DUOX1: variants seen among roughly 807,000 people sequenced by gnomAD.
DUOX1 encodes the protein NADPH thyroid oxidase 1.
Under a neutral mutation model 181.8 loss-of-function variants are expected in DUOX1, and 134 were observed. That is an observed-to-expected ratio of 0.74 (90% CI 0.64 to 0.85). The LOEUF is 0.85. Among genes scored for constraint, DUOX1 ranks in the 40% least tolerant of loss-of-function variants. The pLI, the probability that DUOX1 is intolerant of heterozygous loss-of-function variation, is 0.00. For synonymous variants in DUOX1, 798 were observed against 832.5 expected, an observed-to-expected ratio of 0.96 and a Z score of 0.71; for missense variants, 1,814 against 2,064.4, an observed-to-expected ratio of 0.88 and a Z score of 2.35.
At chr15:45,150,756 T>G in intron 22 of DUOX1, 55 bp downstream of exon 22, 1 of 1,553,280 alleles carries the variant, frequency 6.4e-7, no homozygotes. Flanking sequence ...GCCATTTCTC[T>G]CCCCTGAATG....
At chr15:45,150,475 C>G (rs1030496081) in intron 21 of DUOX1, 157 bp from the exon 22 acceptor site, 3 of 664,052 alleles carry the variant, frequency 4.5e-6, no homozygotes, top group African/African-American at 3.6e-5. Flanking sequence ...CCATTGGGGA[C>G]AAGGGCTGAG....
At position 45,155,894 on chromosome 15, in the gene DUOX1, C is replaced by T. The variant is rs1211777099; in HGVS notation, c.3667C>T (p.Leu1223=). The change falls in exon 28 of 34, where the codon CTG becomes TTG. Residue 1223 remains leucine, a synonymous_variant. Coordinates refer to ENST00000389037, the MANE Select transcript of DUOX1 (RefSeq NM_175940.3). ...FRRRSFRGFW[L]THHLYILLYV... ...CCGCCGCAGTTTCCGGGGCTTCTGG[C>T]TGACCCACCACCTCTACATCCTGCT... 1 of 1,614,142 alleles carries T rather than the reference C, an allele frequency of 6.2e-7. No individual in the cohort carries two copies. Among genetic ancestry groups the T allele is most frequent in the Non-Finnish European group, 8.5e-7 (1 of 1,179,992 alleles).
At position 45,143,263 on chromosome 15, in the gene DUOX1, C is replaced by T. The variant is rs1416537771; in HGVS notation, c.1896C>T (p.Arg632=). The change falls in exon 16 of 34, where the codon CGC becomes CGT. Residue 632 remains arginine (R), a synonymous_variant. Transcript: ENST00000389037. ...RNFKRLQGQD[R]QSIVSEKLVG... ...TCAAGAGGCTCCAGGGCCAGGACCG[C>T]CAGAGCATCGTGTCTGAGAAGCTCG... The T allele has an allele frequency of 6.2e-7, 1 of 1,614,102 alleles. No individual in the cohort carries two copies. Among genetic ancestry groups the T allele is most frequent in the Non-Finnish European group, 8.5e-7 (1 of 1,180,016 alleles).
At chr15:45,144,373 G>C (rs1218764420) in intron 17 of DUOX1, 138 bp downstream of exon 17, 1 of 899,288 alleles carries the variant, frequency 1.1e-6, no homozygotes, top group Admixed American at 2.1e-5. Flanking sequence ...TTCCCAGGTG[G>C]AGTACCTGAT....
intron 4 of DUOX1, 55 bp downstream of exon 4, chr15:45,134,364 G>T: frequency 6.6e-7 from 1 of 1,520,828 alleles, no homozygotes; most frequent in Non-Finnish European, 8.8e-7. Context: ...GGACACCTCT[G>T]CATGTGAAGA....
Position 45,160,983 on chromosome 15 carries a change from G to A in DUOX1, c.3849G>A (p.Leu1283=). 1 of 1,614,114 alleles carries A rather than the reference G, an allele frequency of 6.2e-7. No homozygotes were observed. Among genetic ancestry groups the A allele is most frequent in the Non-Finnish European group, 8.5e-7 (1 of 1,180,020 alleles). ...TCAGCGTGGTGAAGGCGGAGCTGCT[G>A]CCCTCAGGTACCAGCCTGGCAGGAG... is the stretch of plus-strand genomic sequence containing the variant. ...VEISVVKAEL[L]PSGVTHLRFQ... The change falls in exon 29 of 34, where the codon CTG becomes CTA. Residue 1283 remains leucine, a synonymous_variant. Coordinates refer to ENST00000389037, the MANE Select transcript of DUOX1 (RefSeq NM_175940.3).
At chr15:45,136,672 T>C in intron 9 of DUOX1, 47 bp downstream of exon 9, 1 of 1,591,454 alleles carries the variant, frequency 6.3e-7, no homozygotes, top group East Asian at 2.2e-5. Flanking sequence ...GATGGGGCTG[T>C]CAACTGAGGA....
intron 20 of DUOX1, 72 bp downstream of exon 20, chr15:45,148,069 G>A: frequency 1.4e-6 from 2 of 1,469,254 alleles, no homozygotes; most frequent in Admixed American, 3.3e-5. Context: ...GGACCTGAAG[G>A]AGAGAGCAGA....
intron 18 of DUOX1, among the ~76,000 whole-genome samples, chr15:45,145,894 A>T (rs913075369): frequency 2.7e-5 from 4 of 150,600 alleles, no homozygotes; most frequent in Middle Eastern, 3.4e-3. Flanking sequence ...CAGCCTGGGC[A>T]ACAGAGTAAG....
intron 20 of DUOX1, 38 bp downstream of exon 20, chr15:45,148,035 C>A (rs774096097): frequency 1.9e-6 from 3 of 1,552,168 alleles, no homozygotes; most frequent in East Asian, 2.2e-5. Flanking sequence ...TGGGCCAGGG[C>A]AGGGATGCCA....
chr15:45,159,954 C>G (rs1897057425), intron 28 of DUOX1, among the ~76,000 whole-genome samples: 1 of 152,172 alleles, frequency 6.6e-6, no homozygotes. Flanking sequence ...CAGTTCGAGA[C>G]CAGCCTGGCC....
chr15:45,141,350 G>T lies in DUOX1; in HGVS notation c.1624G>T (p.Val542Phe). 1 of 1,614,236 alleles carries T rather than the reference G, an allele frequency of 6.2e-7. No individual in the cohort carries two copies. Among genetic ancestry groups the T allele is most frequent in the Non-Finnish European group, 8.5e-7 (1 of 1,180,046 alleles). ...IRNTTLQDVL[V>F]AVINIDPSAL... is the part of the protein sequence containing the mutation. ...AAATACCACCCTGCAGGACGTGCTG[G>T]TCGCTGTTATCAACATTGACCCCAG... The change falls in exon 14 of 34, where the codon GTC becomes TTC. Residue 542 changes from valine to phenylalanine, a missense_variant. Around this residue, in one of 5 missense-constraint regions of DUOX1, gnomAD observed 1,064 missense variants for 1,152.9 expected, o/e 0.92. Coordinates refer to ENST00000389037, the MANE Select transcript of DUOX1 (RefSeq NM_175940.3).
At chr15:45,150,478 G>T (rs1248046767) in intron 21 of DUOX1, 154 bp from the exon 22 acceptor site, 2 of 674,720 alleles carry the variant, frequency 3.0e-6, no homozygotes, top group African/African-American at 1.8e-5. Flanking sequence ...TTGGGGACAA[G>T]GGCTGAGGTT....
At chr15:45,152,692 C>A in intron 25 of DUOX1, 176 bp downstream of exon 25, 1 of 655,694 alleles carries the variant, frequency 1.5e-6, no homozygotes, top group Non-Finnish European at 2.6e-6. Flanking sequence ...TGGTCACTTC[C>A]AAGTGCCTCT....
chr15:45,150,886 C>T (rs375216116), intron 22 of DUOX1, among the ~76,000 whole-genome samples, 185 bp downstream of exon 22: 133 of 152,200 alleles, frequency 8.7e-4, no homozygotes, highest in African/African-American at 2.4e-3. Flanking sequence ...GCTGGATTTC[C>T]GCTCTCACTT....
intron 20 of DUOX1, 38 bp from the exon 21 acceptor site, chr15:45,148,234 C>T: frequency 6.2e-7 from 1 of 1,612,940 alleles, no homozygotes; most frequent in Non-Finnish European, 8.5e-7. Flanking sequence ...GTCGCAGGCC[C>T]CAGTCAGGGC....
intron 23 of DUOX1, 129 bp from the exon 24 acceptor site, chr15:45,151,745 G>C: frequency 1.0e-6 from 1 of 958,266 alleles, no homozygotes; most frequent in Non-Finnish European, 1.6e-6. Context: ...TTCCACAAGG[G>C]TAACTAGGTT....
intron 24 of DUOX1, 89 bp from the exon 25 acceptor site, chr15:45,152,197 G>T: frequency 6.8e-7 from 1 of 1,473,794 alleles, no homozygotes; most frequent in South Asian, 1.3e-5. Flanking sequence ...GGCCTGTTGT[G>T]AGTGGCAGCC....
rs1055434064 is a variant in DUOX1 at position 45,148,417 on chromosome 15, G to A, written c.2788G>A (p.Glu930Lys). 17 of 1,613,908 alleles carry A rather than the reference G, an allele frequency of 1.1e-5. No homozygotes were observed. The highest frequency in any genetic ancestry group is 2.7e-5 in the African/African-American group (2 of 74,914). ...CTTCATGCTGCGGGACCACAATAGC[G>A]AGCTCCGCTTCACGCAGCTCTGTGT... ...FHFMLRDHNS[E>K]LRFTQLCVKG... The change falls in exon 21 of 34, where the codon GAG (glutamate) becomes AAG (lysine). Residue 930 changes from glutamate to lysine, a missense_variant. Physicochemically the swap from Glu to Lys is moderately conservative, Grantham distance 56. This residue lies in a region of DUOX1 where 1,064 missense variants were observed against 1,152.9 expected (regional missense o/e 0.92). Coordinates refer to ENST00000389037, the MANE Select transcript of DUOX1 (RefSeq NM_175940.3).
Sources: allele counts gnomAD v4.1 joint callset (sites outside exome capture counted in the v4.1 genomes callset), GRCh38; gene constraint gnomAD v4.1.1; regional missense constraint gnomAD v4.1.1; transcripts MANE v1.5; gene names NCBI Gene and HGNC (gene_info 2026-07-23, HGNC 2026-07-21).